Variants in RTN1 observed in about 807,000 individuals in gnomAD.
RTN1 encodes the protein reticulon 1.
In RTN1, 25 loss-of-function variants were observed where a neutral mutation model predicts 65.5. The ratio of observed to expected loss-of-function variants is 0.38; its 90% CI spans 0.28 to 0.53. The LOEUF is 0.53. RTN1 is among the 20% of genes least tolerant of loss of function. RTN1 has a pLI of 0.79. For missense variants in RTN1, 983 were observed against 1,025.4 expected (o/e 0.96, Z 0.57); for synonymous variants, 471 against 447.6 (o/e 1.05, Z -0.66).
intron 8 of RTN1, among the ~76,000 whole-genome samples, chr14:59,602,267 G>A (rs1002128766): frequency 2.6e-5 from 4 of 152,028 alleles, no homozygotes; most frequent in African/African-American, 9.7e-5. Context: ...ATTAGATAGA[G>A]TTTTTGTGAA....
intron 3 of RTN1, among the ~76,000 whole-genome samples, chr14:59,719,098 A>T (rs954415162): frequency 1.3e-5 from 2 of 152,164 alleles, no homozygotes; most frequent in Admixed American, 1.3e-4. Flanking sequence ...AATGCAAAGG[A>T]GGTCATGTCA....
In RTN1 at chr14:59,816,400, C is replaced by T. The variant is rs1313309983; in HGVS notation, c.241+53990G>A. Among the ~76,000 whole-genome samples, 1 of 152,198 alleles carries T rather than the reference C, an allele frequency of 6.6e-6. No individual in the cohort carries two copies. The highest frequency in any genetic ancestry group is 1.9e-4 in the East Asian group (1 of 5,202). The stretch of plus-strand genomic sequence containing the variant: ...GACCATATGGTAACAAGGCTAATTG[C>T]CTGCCTTCTCCAATCCTCGGAGAGC... On this transcript the variant is annotated intron_variant, in intron 1 of 8. Transcript: ENST00000267484. This position sits in a 1 kb window ranked among gnomAD's most constrained non-coding sequence, Gnocchi z 4.3.
In RTN1 at chr14:59,819,411, ACCACCCC is replaced by A. The variant is rs1886888066; in HGVS notation, c.241+50972_241+50978del. Reference sequence around the variant, plus strand: ...AGCTGATTGGTGCATCCACACCACCACCACCCCCCCCCCACCCCCCACCCCCCCCCCC... The same window carrying A: ...AGCTGATTGGTGCATCCACACCACCACCCCCCACCCCCCACCCCCCCCCCC... On this transcript the variant is annotated intron_variant, in intron 1 of 8. Coordinates refer to ENST00000267484, the MANE Select transcript of RTN1 (RefSeq NM_021136.3). Among the ~76,000 whole-genome samples, 17 of 12,718 alleles carry A rather than the reference ACCACCCC, an allele frequency of 1.3e-3. 3 individuals are homozygous for A. Among genetic ancestry groups the A allele is most frequent in the African/African-American group, 3.4e-3 (5 of 1,456 alleles). The allele number at this position is 12,718 out of a possible 152,430, so 8.3% of individuals were successfully genotyped here.
At chr14:59,647,995 C>G (rs996393202) in intron 3 of RTN1, among the ~76,000 whole-genome samples, 1 of 151,978 alleles carries the variant, frequency 6.6e-6, no homozygotes, top group Non-Finnish European at 1.5e-5. Context: ...ATAAGCAAAT[C>G]CAAGAGTTGG....
At chr14:59,664,562 C>G (rs1883325235) in intron 3 of RTN1, among the ~76,000 whole-genome samples, 1 of 152,078 alleles carries the variant, frequency 6.6e-6, no homozygotes, top group Admixed American at 6.6e-5. Flanking sequence ...AGAAATATAA[C>G]TCAATTAAGA....
intron 3 of RTN1, among the ~76,000 whole-genome samples, chr14:59,705,368 T>C (rs1436642897): frequency 6.6e-6 from 1 of 152,226 alleles, no homozygotes; most frequent in Non-Finnish European, 1.5e-5. Context: ...GTACACTGTG[T>C]AAACAGGAAA....
chr14:59,606,817 C>G (rs1881772539), intron 4 of RTN1, among the ~76,000 whole-genome samples: 1 of 152,174 alleles, frequency 6.6e-6, no homozygotes, highest in Non-Finnish European at 1.5e-5. Flanking sequence ...ACCCTGCACC[C>G]CCACCAGAAG....
chr14:59,782,499 G>A (rs1886175051), intron 1 of RTN1, among the ~76,000 whole-genome samples: 1 of 152,172 alleles, frequency 6.6e-6, no homozygotes, highest in South Asian at 2.1e-4. Flanking sequence ...TTTCCCCTGG[G>A]TTGACAACGC....
intron 1 of RTN1, among the ~76,000 whole-genome samples, chr14:59,838,770 A>G (rs1383137448): frequency 1.3e-5 from 2 of 152,154 alleles, no homozygotes; most frequent in Non-Finnish European, 2.9e-5. Context: ...AAGAGTTAAT[A>G]CTACGTGAAA....
At chr14:59,770,898 T>A (rs2139560995) in intron 1 of RTN1, among the ~76,000 whole-genome samples, 1 of 152,128 alleles carries the variant, frequency 6.6e-6, no homozygotes. Flanking sequence ...TACAAAAAAA[T>A]TAGCCAGGCA....
chr14:59,604,061 C>CAT lies in RTN1; in HGVS notation c.2113-142_2113-141dup. Reference sequence around the variant, plus strand: ...TAGTCAATGAAAGGCGTTGAAAGCTCATCACAGAATCAATGAAAGAGGATC... The same window carrying CAT: ...TAGTCAATGAAAGGCGTTGAAAGCTCATATCACAGAATCAATGAAAGAGGATC... On this transcript the variant is annotated intron_variant, in intron 5 of 8. Coordinates refer to ENST00000267484, the MANE Select transcript of RTN1 (RefSeq NM_021136.3). 3 of 545,352 alleles carry CAT rather than the reference C, an allele frequency of 5.5e-6. No homozygotes were observed. In the South Asian group the frequency reaches 5.9e-5, roughly 11 times the overall value. 33.8% of individuals were successfully genotyped at this position (545,352 alleles called of 1,614,324 possible). A position where few individuals can be genotyped will look rare whatever the true frequency, so the allele number is the denominator to read the frequency against.
chr14:59,623,033 T>C (rs1008737583), intron 3 of RTN1, among the ~76,000 whole-genome samples: 1 of 152,206 alleles, frequency 6.6e-6, no homozygotes, highest in African/African-American at 2.4e-5. Context: ...TAAAAGAGCA[T>C]AGCATTTAAT....
At chr14:59,757,399 C>T (rs1053285286) in intron 1 of RTN1, among the ~76,000 whole-genome samples, 4 of 151,992 alleles carry the variant, frequency 2.6e-5, no homozygotes, top group Non-Finnish European at 5.9e-5. Flanking sequence ...AATGGGAAAC[C>T]CCTTTTGCTT....
chr14:59,753,934 A>G (rs1201526442), intron 1 of RTN1, among the ~76,000 whole-genome samples: 1 of 152,216 alleles, frequency 6.6e-6, no homozygotes, highest in Non-Finnish European at 1.5e-5. Flanking sequence ...CTAGAGGTCT[A>G]ATTCATGCAG....
chr14:59,857,264 C>T (rs1439476645), intron 1 of RTN1, among the ~76,000 whole-genome samples: 1 of 152,150 alleles, frequency 6.6e-6, no homozygotes, highest in Admixed American at 6.5e-5. Flanking sequence ...TTCCATACTA[C>T]ATAATCTCTA....
At chr14:59,749,509 A>T (rs528996003) in intron 1 of RTN1, among the ~76,000 whole-genome samples, 32 of 37,286 alleles carry the variant, frequency 8.6e-4, no homozygotes, top group South Asian at 1.1e-3. Context: ...ATCTATATAT[A>T]GATATCTATA....
At chr14:59,796,869 G>A (rs779187238) in intron 1 of RTN1, among the ~76,000 whole-genome samples, 33 of 152,114 alleles carry the variant, frequency 2.2e-4, no homozygotes, top group Non-Finnish European at 2.6e-4. Context: ...CCCTGAAGGC[G>A]GCGATTTTAT....
At position 59,607,367 on chromosome 14, in the gene RTN1, C is replaced by T. The variant is rs562790436; in HGVS notation, c.1891G>A (p.Ala631Thr). 19 of 1,613,660 alleles carry T rather than the reference C, an allele frequency of 1.2e-5. No homozygotes were observed. The highest frequency in any genetic ancestry group is 1.2e-4 in the Admixed American group (7 of 59,998). The change falls in exon 4 of 9, where the codon GCA (alanine) becomes ACA (threonine). Residue 631 changes from alanine (A) to threonine (T), a missense_variant. Ala to Thr is a moderately conservative substitution (Grantham distance 58, BLOSUM62 0). Around this residue, in one of 2 missense-constraint regions of RTN1, gnomAD observed 165 missense variants for 223.6 expected, o/e 0.74. Coordinates refer to ENST00000267484, the MANE Select transcript of RTN1 (RefSeq NM_021136.3). ...VSVVAYLALA[A>T]LSATISFRIY... ...CGGAAACTGATGGTGGCTGAGAGTG[C>T]GGCCAGGGCCAGGTAGGCCACGACG...
At chr14:59,793,222 T>C (rs897033189) in intron 1 of RTN1, among the ~76,000 whole-genome samples, 1 of 152,204 alleles carries the variant, frequency 6.6e-6, no homozygotes, top group Admixed American at 6.5e-5. Context: ...ATTCAATATG[T>C]AGAATTTTAC....
Sources: gnomAD v4.1 joint callset for allele counts (sites outside exome capture counted in the v4.1 genomes callset) on GRCh38, gnomAD v4.1.1 for gene constraint, gnomAD v4.1.1 regional missense constraint, Gnocchi (gnomAD v3.1) non-coding constraint, MANE v1.5 for transcripts, NCBI Gene and HGNC (gene_info 2026-07-23, HGNC 2026-07-21) for gene names.